The following TRAK1 variants were observed in gnomAD, a reference collection of about 807,000 sequenced individuals.
TRAK1 encodes the protein trafficking kinesin-binding protein 1.
Under a neutral mutation model 92.1 loss-of-function variants are expected in TRAK1, and 33 were observed. The ratio of observed to expected loss-of-function variants is 0.36; its 90% confidence interval spans 0.27 to 0.48. The LOEUF is 0.48. Ranked by LOEUF, TRAK1 falls within the 20% of genes least tolerant of loss-of-function variation. TRAK1 has a pLI of 0.99. For synonymous variants in TRAK1, 521 were observed against 517.3 expected, an observed-to-expected ratio of 1.01 and a Z score of -0.10; for missense variants, 1,123 against 1,257.9, an observed-to-expected ratio of 0.89 and a Z score of 1.62.
chr3:42,111,612 G>A (rs1303762271), intron 1 of TRAK1, among the ~76,000 whole-genome samples: 2 of 152,058 alleles, frequency 1.3e-5, no homozygotes, highest in African/African-American at 4.8e-5. Context: ...AGCCAGGGTG[G>A]TCTCGATATC....
intron 1 of TRAK1, among the ~76,000 whole-genome samples, chr3:42,103,890 G>T (rs1707158690): frequency 1.3e-5 from 2 of 152,234 alleles, no homozygotes; most frequent in African/African-American, 4.8e-5. Context: ...CCCAGTAAGT[G>T]CAAGGGGTCG....
At chr3:42,099,698 T>C (rs1706460560) in intron 1 of TRAK1, among the ~76,000 whole-genome samples, 1 of 152,204 alleles carries the variant, frequency 6.6e-6, no homozygotes, top group East Asian at 1.9e-4. Context: ...TCAGCTTATC[T>C]CATAAATATA....
chr3:42,180,291 G>A (rs1346794722), intron 3 of TRAK1, among the ~76,000 whole-genome samples: 1 of 151,984 alleles, frequency 6.6e-6, no homozygotes, highest in Non-Finnish European at 1.5e-5. Context: ...TGGGGTACAT[G>A]AGATACTTTG....
intron 2 of TRAK1, chr3:42,160,039 C>T: frequency 2.0e-6 from 1 of 497,990 alleles, no homozygotes; most frequent in Non-Finnish European, 2.8e-6. Context: ...TGCTGAGATC[C>T]TGTACCTTCC....
intron 1 of TRAK1, among the ~76,000 whole-genome samples, chr3:42,113,628 T>C (rs1349665501): frequency 6.6e-6 from 1 of 152,156 alleles, no homozygotes; most frequent in Non-Finnish European, 1.5e-5. Flanking sequence ...TTGGCTAGGC[T>C]GGTCTTGAAC....
Position 42,107,839 on chromosome 3 carries a change from G to A in TRAK1, c.91+16279G>A, listed in dbSNP as rs1707799226. 2.0e-5 allele frequency among the ~76,000 whole-genome samples: 3 copies of A among 151,630 alleles called. No individual in the cohort carries two copies. In the South Asian group the frequency reaches 6.3e-4, roughly 32 times the overall value. On this transcript the variant is annotated intron_variant, in intron 1 of 15. Coordinates refer to ENST00000327628, the MANE Select transcript of TRAK1 (RefSeq NM_001042646.3). The stretch of plus-strand genomic sequence containing the variant: ...CTCTAAAGTATAAGAAGTTCAGAGG[G>A]AGACTGTGCAGTACTGGTGCAGCCC...
chr3:42,206,307 A>G (rs1209294005), intron 13 of TRAK1, among the ~76,000 whole-genome samples: 1 of 152,194 alleles, frequency 6.6e-6, no homozygotes, highest in African/African-American at 2.4e-5. Context: ...GAGATAGTCC[A>G]TGAGCCCCAT....
chr3:42,134,724 C>T (rs1429362409), intron 2 of TRAK1, among the ~76,000 whole-genome samples: 2 of 151,664 alleles, frequency 1.3e-5, no homozygotes, highest in African/African-American at 4.8e-5. Context: ...GTAGCTGGGA[C>T]TACAGGCGCA....
chr3:42,136,462 T>TA (rs1282351499), intron 2 of TRAK1, among the ~76,000 whole-genome samples: 3 of 151,896 alleles, frequency 2.0e-5, no homozygotes, highest in African/African-American at 4.8e-5. Flanking sequence ...CCCATCACTA[T>TA]AAAAAAATGT....
chr3:42,203,737 G>T (rs1314104479), intron 13 of TRAK1: 2 of 975,384 alleles, frequency 2.1e-6, no homozygotes, highest in Non-Finnish European at 1.2e-6. Context: ...CCCCTCTAAG[G>T]AGCCTTCTTA....
Position 42,223,710 on chromosome 3 carries a change from G to A in TRAK1, c.2835G>A (p.Lys945=). 4 of 1,608,782 alleles carry A rather than the reference G, an allele frequency of 2.5e-6. No homozygotes were observed. Among genetic ancestry groups the A allele is most frequent in the Non-Finnish European group, 3.4e-6 (4 of 1,175,568 alleles). Reference sequence around the variant, plus strand: ...CCTCGGGCATCTTGATGGGTGCTAAGCTCTCCAAACAAACTAGCTTACGGT... The same window carrying A: ...CCTCGGGCATCTTGATGGGTGCTAAACTCTCCAAACAAACTAGCTTACGGT... The part of the protein sequence containing the change: ...TLTSGILMGA[K]LSKQTSLR Residue 945 remains lysine (K), a synonymous_variant, in exon 16 of 16, where the codon AAG becomes AAA. Coordinates refer to ENST00000327628, the MANE Select transcript of TRAK1 (RefSeq NM_001042646.3). The surrounding 1 kb of genome is among the most constrained non-coding windows in gnomAD (Gnocchi z 6.1).
intron 1 of TRAK1, among the ~76,000 whole-genome samples, chr3:42,031,078 C>T (rs1361276822): frequency 3.4e-5 from 5 of 147,264 alleles, no homozygotes; most frequent in Admixed American, 6.8e-5. Context: ...CTCTGTCACC[C>T]GGGCTGGAGT....
intron 2 of TRAK1, among the ~76,000 whole-genome samples, chr3:42,148,416 T>A (rs1302251891): frequency 6.6e-6 from 1 of 152,224 alleles, no homozygotes; most frequent in African/African-American, 2.4e-5. Flanking sequence ...TATTATCCAC[T>A]ACCTTGTTTT....
intron 2 of TRAK1, chr3:42,149,492 A>T (rs1324186700): frequency 1.3e-6 from 2 of 1,535,918 alleles, no homozygotes; most frequent in Non-Finnish European, 8.7e-7. Context: ...CTTGACGTTG[A>T]TGGTGCTGTG....
chr3:42,208,030 C>T (rs1708531454), intron 13 of TRAK1, among the ~76,000 whole-genome samples: 1 of 152,132 alleles, frequency 6.6e-6, no homozygotes, highest in African/African-American at 2.4e-5. Context: ...CCAGACATTA[C>T]CAAATGTCCC....
chr3:42,032,232 G>A (rs1022493722), intron 1 of TRAK1, among the ~76,000 whole-genome samples: 1 of 152,202 alleles, frequency 6.6e-6, no homozygotes, highest in Non-Finnish European at 1.5e-5. Context: ...GCTTTCTGGT[G>A]GAGTATGGTA....
chr3:42,182,107 G>T (rs1247462443), intron 3 of TRAK1, among the ~76,000 whole-genome samples: 1 of 151,800 alleles, frequency 6.6e-6, no homozygotes, highest in Non-Finnish European at 1.5e-5. Context: ...CCGGCCAAGG[G>T]AACTTCTTGG....
chr3:42,064,394 A>C (rs1703585636), intron 1 of TRAK1, among the ~76,000 whole-genome samples: 1 of 152,128 alleles, frequency 6.6e-6, no homozygotes, highest in South Asian at 2.1e-4. Context: ...TTTAAAAAGA[A>C]TTCTCTTACA....
chr3:42,081,169 C>T (rs1704418051), intron 1 of TRAK1, among the ~76,000 whole-genome samples: 2 of 152,180 alleles, frequency 1.3e-5, no homozygotes, highest in East Asian at 1.9e-4. Context: ...AGCCACTGGG[C>T]CTGGCCACTG....
Sources: allele counts gnomAD v4.1 joint callset (sites outside exome capture counted in the v4.1 genomes callset), GRCh38; gene constraint gnomAD v4.1.1; non-coding constraint Gnocchi (gnomAD v3.1); transcripts MANE v1.5; gene names NCBI Gene and HGNC (gene_info 2026-07-23, HGNC 2026-07-21).